The following AHSP variants were observed in gnomAD, a reference collection of about 807,000 sequenced individuals.
The protein encoded by AHSP is alpha-hemoglobin-stabilizing protein.
Under a neutral mutation model 2.7 loss-of-function variants are expected in AHSP, and 5 were observed. The ratio of observed to expected loss-of-function variants is 1.86; its 90% CI spans 0.97 to 3.92. The LOEUF (loss-of-function observed/expected upper bound fraction) is 3.92. AHSP is among the 30% of genes most tolerant of loss of function. The probability of loss-of-function intolerance (pLI) is 0.00; values close to 1 mark genes in which losing one functional copy is unlikely to be tolerated. For missense variants in AHSP, 134 were observed against 119.8 expected, an observed-to-expected ratio of 1.12 and a Z score of -0.55; for synonymous variants, 50 against 48.4, an observed-to-expected ratio of 1.03 and a Z score of -0.14.
chr16:31,528,176 G>T lies in AHSP; in HGVS notation c.37G>T (p.Ala13Ser). 1.9e-6 allele frequency: 3 copies of T among 1,613,984 alleles called. No individual in the cohort carries two copies. The highest frequency in any genetic ancestry group is 1.7e-6 in the Non-Finnish European group (2 of 1,179,998). ...TAAGGCCAATAAGGATCTCATTTCC[G>T]CAGGATTGAAGGAGTTCAGCGTTCT... is the stretch of plus-strand genomic sequence containing the variant. ...LLKANKDLIS[A>S]GLKEFSVLLN... The change falls in exon 2 of 3, where the codon GCA (alanine) becomes TCA (serine). Residue 13 changes from alanine to serine, a missense_variant. Coordinates refer to ENST00000302312, the MANE Select transcript of AHSP (RefSeq NM_016633.4).
intron 2 of AHSP, 32 bp from the exon 3 acceptor site, chr16:31,528,426 C>T (rs1228658815): frequency 1.2e-5 from 19 of 1,586,162 alleles, no homozygotes; most frequent in Non-Finnish European, 1.6e-5. Flanking sequence ...ACCACATTCT[C>T]CCTTGCCAAC....
intron 2 of AHSP, 75 bp downstream of exon 2, chr16:31,528,289 A>G (rs2082740963): frequency 4.8e-6 from 7 of 1,444,526 alleles, no homozygotes; most frequent in Admixed American, 1.7e-5. Context: ...GAAGAGGATA[A>G]TTGGAGCTGG....
Position 31,528,445 on chromosome 16 carries a change from C to T in AHSP, c.76-13C>T, listed in dbSNP as rs1302018889. The T allele has an allele frequency of 1.9e-6, 3 of 1,612,712 alleles. No individual in the cohort carries two copies. The highest frequency in any genetic ancestry group is 2.5e-6 in the Non-Finnish European group (3 of 1,178,830). On this transcript the variant is annotated splice_polypyrimidine_tract_variant and intron_variant, in intron 2 of 2. Coordinates refer to ENST00000302312, the MANE Select transcript of AHSP (RefSeq NM_016633.4). ...CATTCTCCCTTGCCAACTGCCTCTC[C>T]GCAACCCCCCAGGTCTTCAATGATC...
In AHSP at chr16:31,528,519, ACTT is replaced by A. The variant is rs750961451; in HGVS notation, c.140_142del (p.Phe47del). 95 of 1,613,986 alleles carry A rather than the reference ACTT, an allele frequency of 5.9e-5. No individual in the cohort carries two copies. The highest frequency in any genetic ancestry group is 1.6e-4 in the Middle Eastern group (1 of 6,084). ...GTGACTGTGGTGGAGGACTGGATGA[ACTT>A]CTACATCAACTATTACAGGCAGCAG... On this transcript the variant is annotated inframe_deletion, in exon 3 of 3. Coordinates refer to ENST00000302312, the MANE Select transcript of AHSP (RefSeq NM_016633.4).
chr16:31,528,323 AAAC>A (rs1374361016), intron 2 of AHSP, 109 bp downstream of exon 2: 17 of 1,327,018 alleles, frequency 1.3e-5, no homozygotes, highest in Middle Eastern at 1.8e-4. Flanking sequence ...GAGTTGATGG[AAAC>A]AACGAGAGAC....
rs1357820045 is a variant in AHSP at position 31,528,648 on chromosome 16, T to C, written c.266T>C (p.Leu89Pro). 6.2e-7 allele frequency: 1 copy of C among 1,613,778 alleles called. No individual in the cohort carries two copies. Among genetic ancestry groups the C allele is most frequent in the Non-Finnish European group, 8.5e-7 (1 of 1,180,028 alleles). ...NPFLAKYRDF[L>P]KSHELPSHPP... Reference sequence around the variant, plus strand: ...TTCCTGGCCAAGTACAGGGACTTCCTGAAGTCTCATGAGCTCCCGAGTCAC... The same window carrying C: ...TTCCTGGCCAAGTACAGGGACTTCCCGAAGTCTCATGAGCTCCCGAGTCAC... Residue 89 changes from leucine (L) to proline (P), a missense_variant, in exon 3 of 3, where the codon CTG becomes CCG. By Grantham distance (98) the Leu-to-Pro change is moderately conservative. Coordinates refer to ENST00000302312, the MANE Select transcript of AHSP (RefSeq NM_016633.4).
In AHSP at chr16:31,528,182, T is replaced by C. The variant is rs200394604; in HGVS notation, c.43T>C (p.Leu15=). The change falls in exon 2 of 3, where the codon TTG becomes CTG. Residue 15 remains leucine, a synonymous_variant. Coordinates refer to ENST00000302312, the MANE Select transcript of AHSP (RefSeq NM_016633.4). ...KANKDLISAG[L]KEFSVLLNQQ... ...CAATAAGGATCTCATTTCCGCAGGA[T>C]TGAAGGAGTTCAGCGTTCTGCTGAA... is the stretch of plus-strand genomic sequence containing the variant. 2.6e-5 allele frequency: 42 copies of C among 1,614,120 alleles called. No homozygotes were observed. The highest frequency in any genetic ancestry group is 2.0e-4 in the Admixed American group (12 of 60,026).
chr16:31,528,384 C>T lies in AHSP; in HGVS notation c.76-74C>T, dbSNP rs1050863301. 1.9e-5 allele frequency: 26 copies of T among 1,404,910 alleles called. No individual in the cohort carries two copies. The East Asian group carries it at 5.3e-4, about 28-fold the overall frequency. 87.0% of individuals were successfully genotyped at this position (1,404,910 alleles called of 1,614,324 possible). A position where few individuals can be genotyped will look rare whatever the true frequency, so the allele number is the denominator to read the frequency against. ...GAGAATGTGAGAGTTGGTGCTGTGGCACTATTCTAGTATTCCCGAATCCCA... is the reference window on the plus strand; with the variant it reads ...GAGAATGTGAGAGTTGGTGCTGTGGTACTATTCTAGTATTCCCGAATCCCA... On this transcript the variant is annotated intron_variant, in intron 2 of 2. Coordinates refer to ENST00000302312, the MANE Select transcript of AHSP (RefSeq NM_016633.4).
rs530297876 is a variant in AHSP, at chr16:31,528,555, G to C, written c.173G>C (p.Gly58Ala). The change falls in exon 3 of 3, where the codon GGG becomes GCG. Residue 58 changes from glycine to alanine, a missense_variant. Transcript: ENST00000302312. Reference sequence around the variant, plus strand: ...AACTATTACAGGCAGCAGGTGACAGGGGAGCCCCAAGAGCGAGACAAGGCT... The same window carrying C: ...AACTATTACAGGCAGCAGGTGACAGCGGAGCCCCAAGAGCGAGACAAGGCT... ...YINYYRQQVT[G>A]EPQERDKALQ... is the part of the protein sequence containing the mutation. 1.2e-6 allele frequency: 2 copies of C among 1,614,132 alleles called. No homozygotes were observed. Among genetic ancestry groups the C allele is most frequent in the East Asian group, 4.5e-5 (2 of 44,862 alleles).
chr16:31,528,260 G>C, intron 2 of AHSP, 46 bp downstream of exon 2: 1 of 1,566,606 alleles, frequency 6.4e-7, no homozygotes, highest in Non-Finnish European at 8.8e-7. Flanking sequence ...GGAGACTGGG[G>C]GGTGCCGGGG....
chr16:31,528,431 G>A, intron 2 of AHSP, 27 bp from the exon 3 acceptor site: 1 of 1,597,150 alleles, frequency 6.3e-7, no homozygotes, highest in Non-Finnish European at 8.6e-7. Flanking sequence ...ATTCTCCCTT[G>A]CCAACTGCCT....
Position 31,528,674 on chromosome 16 carries a change from C to T in AHSP, c.292C>T (p.Pro98Ser), listed in dbSNP as rs2082744841. 20 of 1,612,702 alleles carry T rather than the reference C, an allele frequency of 1.2e-5. No homozygotes were observed. The highest frequency in any genetic ancestry group is 1.6e-5 in the Non-Finnish European group (19 of 1,179,928). The change falls in exon 3 of 3, where the codon CCA (proline) becomes TCA (serine). Residue 98 changes from proline to serine, a missense_variant. Pro to Ser is a moderately conservative substitution (Grantham distance 74, BLOSUM62 -1). Coordinates refer to ENST00000302312, the MANE Select transcript of AHSP (RefSeq NM_016633.4). ...GAAGTCTCATGAGCTCCCGAGTCACCCACCGCCCTCCTCCTAGCTCAGGGA... is the reference window on the plus strand; with the variant it reads ...GAAGTCTCATGAGCTCCCGAGTCACTCACCGCCCTCCTCCTAGCTCAGGGA... ...FLKSHELPSHPPPSS is the reference protein window; with the variant it reads ...FLKSHELPSHSPPSS
chr16:31,528,346 A>G, intron 2 of AHSP, 112 bp from the exon 3 acceptor site: 1 of 1,293,998 alleles, frequency 7.7e-7, no homozygotes, highest in South Asian at 1.2e-5. Flanking sequence ...CACGGGATAC[A>G]ATGCAGAGGA....
chr16:31,528,742 A>T lies in AHSP; in HGVS notation c.*51A>T. On this transcript the variant is annotated 3_prime_UTR_variant, in exon 3 of 3. Coordinates refer to ENST00000302312, the MANE Select transcript of AHSP (RefSeq NM_016633.4). ...GAGAAACTCTGACCTTCATGTCCTT[A>T]GGCTGTGCTCCTGCCACTCTACCCT... The T allele has an allele frequency of 1.3e-6, 2 of 1,504,554 alleles. No homozygotes were observed. The highest frequency in any genetic ancestry group is 1.8e-6 in the Non-Finnish European group (2 of 1,106,634). 93.2% of individuals were successfully genotyped at this position (1,504,554 alleles called of 1,614,324 possible).
In AHSP at chr16:31,528,446, G is replaced by T. The variant is rs766403741; in HGVS notation, c.76-12G>T. The T allele has an allele frequency of 4.3e-6, 7 of 1,612,966 alleles. No individual in the cohort carries two copies. The South Asian group carries it at 6.6e-5, about 15-fold the overall frequency. On this transcript the variant is annotated splice_polypyrimidine_tract_variant and intron_variant, in intron 2 of 2. Transcript: ENST00000302312. The stretch of plus-strand genomic sequence containing the variant: ...ATTCTCCCTTGCCAACTGCCTCTCC[G>T]CAACCCCCCAGGTCTTCAATGATCC...
intron 1 of AHSP, 62 bp downstream of exon 1, chr16:31,528,024 A>G: frequency 1.1e-6 from 1 of 886,906 alleles, no homozygotes; most frequent in South Asian, 1.3e-5. Context: ...GGTTTTGGAA[A>G]GGAGATAGCC....
chr16:31,527,940 T>C lies in AHSP; in HGVS notation c.-27T>C. On this transcript the variant is annotated 5_prime_UTR_variant, in exon 1 of 3. Transcript: ENST00000302312. Reference sequence around the variant, plus strand: ...CACCCTCAAGAGTGTGGGTGAGACATATACAGCCTGTTAGACCTGAAGGTG... The same window carrying C: ...CACCCTCAAGAGTGTGGGTGAGACACATACAGCCTGTTAGACCTGAAGGTG... 1.6e-6 allele frequency: 1 copy of C among 631,702 alleles called. No individual in the cohort carries two copies. Among genetic ancestry groups the C allele is most frequent in the Non-Finnish European group, 2.9e-6 (1 of 347,204 alleles). 39.1% of individuals were successfully genotyped at this position (631,702 alleles called of 1,614,324 possible).
chr16:31,528,120 C>T lies in AHSP; in HGVS notation c.-4-16C>T, dbSNP rs1160689130. The T allele has an allele frequency of 6.2e-7, 1 of 1,600,770 alleles. No homozygotes were observed. Among genetic ancestry groups the T allele is most frequent in the South Asian group, 1.1e-5 (1 of 90,834 alleles). ...AGGGAAACAGATATGTAAATTCTAC[C>T]CTTTTCTCTACCCAGGCAGATGGCT... On this transcript the variant is annotated splice_polypyrimidine_tract_variant and intron_variant, in intron 1 of 2. Transcript: ENST00000302312.
rs577809077 is a variant in AHSP at position 31,528,225 on chromosome 16, G to C, written c.75+11G>C. 35 of 1,612,820 alleles carry C rather than the reference G, an allele frequency of 2.2e-5. No homozygotes were observed. In the Admixed American group the frequency reaches 4.7e-4, roughly 21 times the overall value. On this transcript the variant is annotated intron_variant, in intron 2 of 2. Transcript: ENST00000302312. ...CTGCTGAATCAGCAGGTGAGTCCAA[G>C]CTTTCCATTTCAAAGGACTGGCCTG... is the stretch of plus-strand genomic sequence containing the variant.
Sources: gnomAD v4.1 joint callset for allele counts on GRCh38, gnomAD v4.1.1 for gene constraint, MANE v1.5 for transcripts, NCBI Gene and HGNC (gene_info 2026-07-23, HGNC 2026-07-21) for gene names.